The following POLR1B variants were observed in gnomAD, a reference collection of about 807,000 sequenced individuals.
POLR1B encodes RNA polymerase I subunit B, also known as DNA-directed RNA polymerase I subunit RPA2.
POLR1B carries 30 observed loss-of-function variants against 105.8 expected under a neutral mutation model. The ratio of observed to expected loss-of-function variants is 0.28; its 90% CI spans 0.21 to 0.38. The LOEUF is 0.38. Among genes scored for constraint, POLR1B ranks in the 10% least tolerant of loss-of-function variants. The pLI is 1.00. For missense variants in POLR1B, 976 were observed against 1,435.8 expected (o/e 0.68, Z 5.17); for synonymous variants, 485 against 505.1 (o/e 0.96, Z 0.53).
intron 6 of POLR1B, 148 bp from the exon 7 acceptor site, chr2:112,552,497 A>G (rs985903976): frequency 7.6e-6 from 6 of 791,914 alleles, no homozygotes; most frequent in East Asian, 3.0e-5. Context: ...AAGCACTTCA[A>G]ATGTGGCCAG....
In POLR1B at chr2:112,572,566, G is replaced by A; in HGVS notation, c.2079G>A (p.Lys693=). ...PRNMYQCQMG[K]QTMGFPLLTY... ...AGATGTTTTTTCTCCATGTAGGTAA[G>A]CAAACTATGGGCTTTCCACTTCTCA... Residue 693 remains lysine (K), a synonymous_variant, in exon 13 of 15, where the codon AAG becomes AAA. Transcript: ENST00000263331. 1 of 1,564,830 alleles carries A rather than the reference G, an allele frequency of 6.4e-7. No individual in the cohort carries two copies. Among genetic ancestry groups the A allele is most frequent in the Non-Finnish European group, 8.7e-7 (1 of 1,153,642 alleles).
chr2:112,549,299 T>C lies in POLR1B; in HGVS notation c.525T>C (p.Ile175=). 1 of 1,613,506 alleles carries C rather than the reference T, an allele frequency of 6.2e-7. No individual in the cohort carries two copies. Among genetic ancestry groups the C allele is most frequent in the Non-Finnish European group, 8.5e-7 (1 of 1,179,734 alleles). Residue 175 remains isoleucine, a synonymous_variant, in exon 4 of 15, where the codon ATT becomes ATC. Transcript: ENST00000263331. ...GGGGCTATTTTATAATCAATGGCATTGAAAAAGTCATCCGAATGTTGATTA... is the reference window on the plus strand; with the variant it reads ...GGGGCTATTTTATAATCAATGGCATCGAAAAAGTCATCCGAATGTTGATTA... ...EMGGYFIING[I]EKVIRMLIMP... is the part of the protein sequence containing the mutation.
intron 10 of POLR1B, among the ~76,000 whole-genome samples, chr2:112,567,762 G>C (rs1164902657): frequency 6.6e-6 from 1 of 152,178 alleles, no homozygotes; most frequent in Non-Finnish European, 1.5e-5. Context: ...ATTTCCTTTA[G>C]TGTATCGACA....
At chr2:112,542,414 C>T (rs751150049), upstream of POLR1B, 11 of 1,612,178 alleles carry the variant, frequency 6.8e-6, no homozygotes, top group Admixed American at 1.7e-5. Context: ...AACGGGACTG[C>T]GGCCACTACT....
rs372996291 is a variant in POLR1B, at chr2:112,558,098, C to T, written c.1330+17C>T. 31 of 1,316,044 alleles carry T rather than the reference C, an allele frequency of 2.4e-5. No homozygotes were observed. Among genetic ancestry groups the T allele is most frequent in the Non-Finnish European group, 2.3e-5 (24 of 1,021,418 alleles). 81.5% of individuals were successfully genotyped at this position (1,316,044 alleles called of 1,614,324 possible). On this transcript the variant is annotated intron_variant, in intron 8 of 14. Coordinates refer to ENST00000263331, the MANE Select transcript of POLR1B (RefSeq NM_019014.6). ...CTAAAACAGGTAAAATTAAATCGAT[C>T]GTTTTAGTTATGTTTTTCAAATTAG... is the stretch of plus-strand genomic sequence containing the variant.
intron 9 of POLR1B, among the ~76,000 whole-genome samples, chr2:112,560,728 C>T (rs529966400): frequency 6.6e-6 from 1 of 152,054 alleles, no homozygotes; most frequent in Non-Finnish European, 1.5e-5. Flanking sequence ...AGGGCATTGA[C>T]TCAAGAAAGT....
At chr2:112,572,524 A>ACAT in intron 12 of POLR1B, 38 bp from the exon 13 acceptor site, 1 of 1,454,434 alleles carries the variant, frequency 6.9e-7, no homozygotes. Context: ...TCAAGATGAA[A>ACAT]GCAGCAGAAA....
chr2:112,548,959 T>C (rs182787585), intron 3 of POLR1B, among the ~76,000 whole-genome samples: 213 of 152,304 alleles, frequency 1.4e-3, no homozygotes, highest in African/African-American at 4.4e-3. Flanking sequence ...TTTTTAGTGT[T>C]ATTTGAAGAC....
chr2:112,552,691 A>G lies in POLR1B; in HGVS notation c.1033A>G (p.Met345Val), dbSNP rs1447174302. ...HLKSNTEKFY[M>V]LCLMTRKLFA... ...GAAATCCAATACTGAAAAGTTTTAT[A>G]TGCTTTGTCTCATGACGCGAAAGCT... Residue 345 changes from methionine (M) to valine (V), a missense_variant, in exon 7 of 15, where the codon ATG becomes GTG. This residue lies in a region of POLR1B where 452 missense variants were observed against 616.5 expected (regional missense o/e 0.73). Coordinates refer to ENST00000263331, the MANE Select transcript of POLR1B (RefSeq NM_019014.6). 1.9e-6 allele frequency: 3 copies of G among 1,610,210 alleles called. No homozygotes were observed. Among genetic ancestry groups the G allele is most frequent in the Admixed American group, 1.7e-5 (1 of 59,304 alleles).
rs1299435875 is a variant in POLR1B at position 112,568,080 on chromosome 2, A to G, written c.1860A>G (p.Val620=). 2 of 1,614,208 alleles carry G rather than the reference A, an allele frequency of 1.2e-6. No homozygotes were observed. The change falls in exon 11 of 15, where the codon GTA becomes GTG. Residue 620 remains valine (V), a synonymous_variant. Coordinates refer to ENST00000263331, the MANE Select transcript of POLR1B (RefSeq NM_019014.6). ...LFLFTTPCRL[V]RPVQNLALGK... Reference sequence around the variant, plus strand: ...TTTTTACCACTCCTTGTAGACTGGTACGGCCTGTGCAGAACTTAGCATTGG... The same window carrying G: ...TTTTTACCACTCCTTGTAGACTGGTGCGGCCTGTGCAGAACTTAGCATTGG...
chr2:112,551,796 T>G lies in POLR1B; in HGVS notation c.784T>G (p.Tyr262Asp), dbSNP rs1333363830. 1.9e-6 allele frequency: 3 copies of G among 1,613,794 alleles called. No homozygotes were observed. Among genetic ancestry groups the G allele is most frequent in the South Asian group, 1.1e-5 (1 of 91,062 alleles). The change falls in exon 6 of 15, where the codon TAT (tyrosine) becomes GAT (aspartate). Residue 262 changes from tyrosine (Y) to aspartate (D), a missense_variant. By Grantham distance (160) the Tyr-to-Asp change is radical. Transcript: ENST00000263331. The stretch of plus-strand genomic sequence containing the variant: ...CTAGGCACTTGTCAGCTTTTCTGAT[T>G]ATCAGATCTTTCAGGAGCTCATCAA... ...ALKALVSFSD[Y>D]QIFQELIKGK...
intron 10 of POLR1B, among the ~76,000 whole-genome samples, chr2:112,564,928 CT>C (rs1326653212): frequency 6.6e-6 from 1 of 152,042 alleles, no homozygotes; most frequent in Non-Finnish European, 1.5e-5. Flanking sequence ...AATAACTTAC[CT>C]TTGGGATTTC....
chr2:112,559,128 AT>A (rs1248550797), intron 8 of POLR1B, among the ~76,000 whole-genome samples, 164 bp from the exon 9 acceptor site: 2 of 152,054 alleles, frequency 1.3e-5, no homozygotes, highest in African/African-American at 4.8e-5. Flanking sequence ...TATTTTACAT[AT>A]TTTTTTGTGA....
chr2:112,549,424 A>G lies in POLR1B; in HGVS notation c.625+25A>G, dbSNP rs200187923. On this transcript the variant is annotated intron_variant, in intron 4 of 14. Transcript: ENST00000263331. ...GGTAAGTTCTGGAGATTATTAGAAT[A>G]TTTTTTAAGGAAAATTTAAAACTTT... is the stretch of plus-strand genomic sequence containing the variant. 471 of 1,472,550 alleles carry G rather than the reference A, an allele frequency of 3.2e-4. 2 individuals carry two copies. The African/African-American group carries it at 5.7e-3, about 18-fold the overall frequency. The allele number at this position is 1,472,550 out of a possible 1,614,324, so 91.2% of individuals were successfully genotyped here.
At chr2:112,557,560 G>A (rs955289664) in intron 7 of POLR1B, among the ~76,000 whole-genome samples, 1 of 152,216 alleles carries the variant, frequency 6.6e-6, no homozygotes, top group African/African-American at 2.4e-5. Context: ...TATGAAGTTT[G>A]TGATAATTGA....
chr2:112,569,210 T>A (rs1447716221), intron 12 of POLR1B, among the ~76,000 whole-genome samples: 2 of 152,220 alleles, frequency 1.3e-5, no homozygotes, highest in Non-Finnish European at 2.9e-5. Context: ...TCTTATTATT[T>A]GATTTTTTGA....
intron 12 of POLR1B, among the ~76,000 whole-genome samples, chr2:112,571,290 T>C (rs1574135082): frequency 1.3e-5 from 2 of 152,212 alleles, no homozygotes; most frequent in South Asian, 4.1e-4. Context: ...CCCAGTAATA[T>C]CGGATTGTAT....
At chr2:112,549,425 T>G (rs764610968) in intron 4 of POLR1B, 26 bp downstream of exon 4, 1 of 1,510,840 alleles carries the variant, frequency 6.6e-7, no homozygotes, top group Non-Finnish European at 8.8e-7. Context: ...TATTAGAATA[T>G]TTTTTAAGGA....
rs1291300391 is a variant in POLR1B at position 112,578,177 on chromosome 2, C to G, written c.*2448C>G. Among the ~76,000 whole-genome samples, 1 of 152,150 alleles carries G rather than the reference C, an allele frequency of 6.6e-6. No individual in the cohort carries two copies. Among genetic ancestry groups the G allele is most frequent in the African/African-American group, 2.4e-5 (1 of 41,422 alleles). On this transcript the variant is annotated 3_prime_UTR_variant, in exon 15 of 15. Coordinates refer to ENST00000263331, the MANE Select transcript of POLR1B (RefSeq NM_019014.6). ...TCCACAGAGCTTATTCAAATTTCACCCATTTTACATGCACTCATTTGTGTT... is the reference window on the plus strand; with the variant it reads ...TCCACAGAGCTTATTCAAATTTCACGCATTTTACATGCACTCATTTGTGTT...
Sources: gnomAD v4.1 joint callset for allele counts (sites outside exome capture counted in the v4.1 genomes callset) on GRCh38, gnomAD v4.1.1 for gene constraint, gnomAD v4.1.1 regional missense constraint, MANE v1.5 for transcripts, NCBI Gene and HGNC (gene_info 2026-07-23, HGNC 2026-07-21) for gene names.